Variants in TBC1D22A observed in about 807,000 individuals in gnomAD.
TBC1D22A encodes TBC1 domain family member 22A.
A neutral mutation model predicts 60.2 loss-of-function variants in TBC1D22A; 38 were observed. The observed-to-expected ratio is 0.63, with a 90% CI of 0.49 to 0.83. The LOEUF is 0.83. Among genes scored for constraint, TBC1D22A ranks in the 40% least tolerant of loss-of-function variants. The pLI is 0.00. For synonymous variants in TBC1D22A, 302 were observed against 281.7 expected, an observed-to-expected ratio of 1.07 and a Z score of -0.72; for missense variants, 628 against 701.0, an observed-to-expected ratio of 0.90 and a Z score of 1.18.
intron 8 of TBC1D22A, among the ~76,000 whole-genome samples, chr22:46,928,283 T>C (rs544152166): frequency 1.8e-4 from 27 of 152,352 alleles, no homozygotes; most frequent in African/African-American, 6.5e-4. Flanking sequence ...ATATTTATGG[T>C]CAATTGATTT....
intron 1 of TBC1D22A, among the ~76,000 whole-genome samples, chr22:46,781,367 G>T (rs1042094600): frequency 6.6e-6 from 1 of 151,998 alleles, no homozygotes; most frequent in Non-Finnish European, 1.5e-5. Context: ...ATAGAGACGG[G>T]GTTTCACCAT....
intron 10 of TBC1D22A, among the ~76,000 whole-genome samples, chr22:47,020,274 G>A (rs1465871614): frequency 6.6e-6 from 1 of 152,154 alleles, no homozygotes; most frequent in Non-Finnish European, 1.5e-5. Flanking sequence ...GCAGCCGGTG[G>A]TGGGAGGCTC....
intron 12 of TBC1D22A, among the ~76,000 whole-genome samples, chr22:47,156,145 C>T (rs142770292): frequency 2.4e-4 from 36 of 152,278 alleles, no homozygotes; most frequent in Admixed American, 4.6e-4. Context: ...CAGTGTTGAC[C>T]GCCCACAGAA....
At chr22:47,051,940 C>G (rs1412079416) in intron 11 of TBC1D22A, among the ~76,000 whole-genome samples, 2 of 152,242 alleles carry the variant, frequency 1.3e-5, no homozygotes, top group Non-Finnish European at 1.5e-5. Flanking sequence ...AAGCAGAGTG[C>G]ATTGCCACTA....
chr22:47,165,938 G>A (rs939598377), intron 12 of TBC1D22A, among the ~76,000 whole-genome samples: 5 of 152,206 alleles, frequency 3.3e-5, no homozygotes, highest in Non-Finnish European at 5.9e-5. Flanking sequence ...TCCCCGCGTC[G>A]CATGTCACCG....
chr22:46,862,067 C>T (rs374894192), intron 4 of TBC1D22A, among the ~76,000 whole-genome samples: 1 of 152,308 alleles, frequency 6.6e-6, no homozygotes, highest in African/African-American at 2.4e-5. Flanking sequence ...GTAGTGGGGC[C>T]TCTGTATGGC....
chr22:46,932,414 C>G (rs1458018478), intron 8 of TBC1D22A, among the ~76,000 whole-genome samples: 1 of 152,196 alleles, frequency 6.6e-6, no homozygotes, highest in Non-Finnish European at 1.5e-5. Flanking sequence ...CATATATTTG[C>G]AATATTTGTC....
chr22:47,079,970 G>A (rs1182016869), intron 11 of TBC1D22A, among the ~76,000 whole-genome samples: 3 of 152,160 alleles, frequency 2.0e-5, no homozygotes, highest in Non-Finnish European at 4.4e-5. Context: ...TAGAAGGCTG[G>A]CTACATTAAT....
At chr22:47,124,536 C>A (rs561456973) in intron 12 of TBC1D22A, among the ~76,000 whole-genome samples, 2 of 152,324 alleles carry the variant, frequency 1.3e-5, no homozygotes, top group East Asian at 3.9e-4. Context: ...AGGGGACCTG[C>A]CTGTGCCTCT....
At chr22:46,928,944 A>G (rs1458233147) in intron 8 of TBC1D22A, among the ~76,000 whole-genome samples, 1 of 152,174 alleles carries the variant, frequency 6.6e-6, no homozygotes, top group Non-Finnish European at 1.5e-5. Context: ...ATGTGGAGAA[A>G]TTAGAATGTG....
At chr22:46,870,303 C>A (rs1243131728) in intron 4 of TBC1D22A, among the ~76,000 whole-genome samples, 1 of 152,188 alleles carries the variant, frequency 6.6e-6, no homozygotes, top group African/African-American at 2.4e-5. Context: ...AGAGTTAGTG[C>A]TTGGTAATTT....
chr22:46,961,560 G>A (rs774709410), intron 8 of TBC1D22A, among the ~76,000 whole-genome samples: 24 of 152,178 alleles, frequency 1.6e-4, no homozygotes, highest in East Asian at 1.2e-3. Context: ...CCAGATTTCC[G>A]TATGGCTTGC....
chr22:46,957,316 A>G (rs1279340138), intron 8 of TBC1D22A, among the ~76,000 whole-genome samples: 1 of 152,250 alleles, frequency 6.6e-6, no homozygotes, highest in East Asian at 1.9e-4. Context: ...TTATAAAGGA[A>G]AGAGGTTTAA....
At chr22:47,126,285 T>A (rs1161562452) in intron 12 of TBC1D22A, among the ~76,000 whole-genome samples, 1 of 152,166 alleles carries the variant, frequency 6.6e-6, no homozygotes, top group Admixed American at 6.5e-5. Context: ...CCCGGCCAGA[T>A]GAAGATGTTT....
intron 4 of TBC1D22A, among the ~76,000 whole-genome samples, chr22:46,833,969 A>T (rs1363446859): frequency 6.6e-6 from 1 of 152,240 alleles, no homozygotes; most frequent in African/African-American, 2.4e-5. Context: ...ACATTTTAAA[A>T]GTCTTTTCTT....
intron 10 of TBC1D22A, among the ~76,000 whole-genome samples, chr22:46,999,520 G>A (rs535315480): frequency 4.6e-5 from 7 of 152,196 alleles, no homozygotes; most frequent in South Asian, 4.2e-4. Context: ...AGAATTTCTC[G>A]CGTTTGAGCT....
intron 4 of TBC1D22A, among the ~76,000 whole-genome samples, chr22:46,821,787 G>A (rs1383310040): frequency 1.3e-5 from 2 of 152,084 alleles, no homozygotes; most frequent in Non-Finnish European, 2.9e-5. Context: ...GGCCCGTCTT[G>A]CTAGGTTGGG....
At chr22:46,899,792 C>T (rs2068884961) in intron 7 of TBC1D22A, among the ~76,000 whole-genome samples, 1 of 152,098 alleles carries the variant, frequency 6.6e-6, no homozygotes, top group Non-Finnish European at 1.5e-5. Context: ...AGCACTTCTG[C>T]TTGTTTCCTA....
At chr22:46,909,234 A>G (rs2069714612) in intron 7 of TBC1D22A, among the ~76,000 whole-genome samples, 1 of 152,048 alleles carries the variant, frequency 6.6e-6, no homozygotes, top group Admixed American at 6.5e-5. Flanking sequence ...AGGCCCTCTG[A>G]AAGTGAGGGG....
Sources: allele counts gnomAD v4.1 joint callset (sites outside exome capture counted in the v4.1 genomes callset), GRCh38; gene constraint gnomAD v4.1.1; transcripts MANE v1.5; gene names NCBI Gene and HGNC (gene_info 2026-07-23, HGNC 2026-07-21).